The following ATRN variants were observed in gnomAD, a reference collection of about 807,000 sequenced individuals.
ATRN encodes the protein attractin.
Under a neutral mutation model 178.7 loss-of-function variants are expected in ATRN, and 54 were observed. That is an observed-to-expected ratio of 0.30 (90% CI 0.24 to 0.38). The LOEUF (loss-of-function observed/expected upper bound fraction) is 0.38. ATRN is among the 10% of genes least tolerant of loss of function. The pLI is 1.00. For synonymous variants in ATRN, 636 were observed against 663.0 expected (o/e 0.96, Z 0.63); for missense variants, 1,443 against 1,815.1 (o/e 0.79, Z 3.73).
intron 19 of ATRN, among the ~76,000 whole-genome samples, chr20:3,591,802 C>T (rs1224032776): frequency 6.6e-6 from 1 of 152,206 alleles, no homozygotes; most frequent in Non-Finnish European, 1.5e-5. Context: ...ATTCCCCCTC[C>T]TCCCCCCATC....
At chr20:3,492,936 ATTAT>A (rs952557802) in intron 1 of ATRN, among the ~76,000 whole-genome samples, 29 of 146,872 alleles carry the variant, frequency 2.0e-4, no homozygotes, top group South Asian at 1.7e-3. Context: ...GTGGGTATAT[ATTAT>A]TTATTTATGT....
intron 14 of ATRN, among the ~76,000 whole-genome samples, 173 bp downstream of exon 14, chr20:3,577,170 G>A (rs878873542): frequency 6.6e-6 from 1 of 152,116 alleles, no homozygotes; most frequent in Non-Finnish European, 1.5e-5. Flanking sequence ...CAGTTCTTAA[G>A]TATTTGTTCC....
chr20:3,547,559 G>A (rs1322708518), intron 5 of ATRN, 70 bp downstream of exon 5: 3 of 1,248,362 alleles, frequency 2.4e-6, no homozygotes, highest in Non-Finnish European at 3.4e-6. Flanking sequence ...ATTATAGATT[G>A]ACTTTATTCT....
chr20:3,482,562 C>T (rs1054797393), intron 1 of ATRN, among the ~76,000 whole-genome samples: 2 of 152,200 alleles, frequency 1.3e-5, no homozygotes, highest in African/African-American at 2.4e-5. Context: ...AATTGTCACT[C>T]AGTTTTCCCT....
intron 1 of ATRN, among the ~76,000 whole-genome samples, chr20:3,492,168 A>AGTGTGTGTGTGTGTGTGTGT (rs58489496): frequency 7.1e-6 from 1 of 140,588 alleles, no homozygotes; most frequent in Non-Finnish European, 1.5e-5. Context: ...TAGATAGGGG[A>AGTGTGTGTGTGTGTGTGTGT]GTGTGTGTGT....
intron 10 of ATRN, among the ~76,000 whole-genome samples, chr20:3,563,625 T>C (rs912594353): frequency 6.6e-6 from 1 of 152,228 alleles, no homozygotes; most frequent in Non-Finnish European, 1.5e-5. Context: ...GTCTCTCCTT[T>C]GTCATGTTAT....
intron 9 of ATRN, 33 bp from the exon 10 acceptor site, chr20:3,563,176 C>T (rs1405796709): frequency 6.3e-7 from 1 of 1,576,538 alleles, no homozygotes; most frequent in African/African-American, 1.4e-5. Flanking sequence ...AAAAACTAAC[C>T]TTGTATTTAT....
intron 22 of ATRN, among the ~76,000 whole-genome samples, chr20:3,598,523 G>A (rs904827536): frequency 4.6e-5 from 7 of 152,116 alleles, no homozygotes; most frequent in Admixed American, 1.3e-4. Flanking sequence ...AGGCTTAGTC[G>A]GGTCCATTAA....
intron 1 of ATRN, among the ~76,000 whole-genome samples, chr20:3,505,171 G>A (rs934876083): frequency 6.6e-6 from 1 of 152,156 alleles, no homozygotes; most frequent in Admixed American, 6.5e-5. Flanking sequence ...AATATGGGTG[G>A]CCACCATCCA....
In ATRN at chr20:3,594,518, A is replaced by G; in HGVS notation, c.3362A>G (p.Asn1121Ser). 6.2e-7 allele frequency: 1 copy of G among 1,612,694 alleles called. No individual in the cohort carries two copies. Among genetic ancestry groups the G allele is most frequent in the Non-Finnish European group, 8.5e-7 (1 of 1,179,006 alleles). The part of the protein sequence containing the change: ...CNGHASLCNT[N>S]TGKCFCTTKG... Reference sequence around the variant, plus strand: ...GGGCACGCGTCTCTGTGCAACACCAACACGGGCAAGTGCTTCTGCACCACC... The same window carrying G: ...GGGCACGCGTCTCTGTGCAACACCAGCACGGGCAAGTGCTTCTGCACCACC... The change falls in exon 20 of 29, where the codon AAC becomes AGC. Residue 1121 changes from asparagine to serine, a missense_variant. This residue lies in a region of ATRN where 289 missense variants were observed against 440.8 expected (regional missense o/e 0.66). Coordinates refer to ENST00000262919, the MANE Select transcript of ATRN (RefSeq NM_139321.3).
intron 1 of ATRN, among the ~76,000 whole-genome samples, chr20:3,520,614 A>G (rs1384476720): frequency 6.6e-6 from 1 of 152,010 alleles, no homozygotes; most frequent in Non-Finnish European, 1.5e-5. Context: ...TGTGCCTCAG[A>G]CTCAAGAGTA....
At chr20:3,610,567 ATTT>A (rs35770410) in intron 24 of ATRN, among the ~76,000 whole-genome samples, 3 of 93,644 alleles carry the variant, frequency 3.2e-5, no homozygotes, top group Non-Finnish European at 6.1e-5. Context: ...TTCCAGCTGA[ATTT>A]TTTTTTTTTT....
intron 3 of ATRN, 42 bp from the exon 4 acceptor site, chr20:3,545,720 G>A: frequency 1.2e-6 from 2 of 1,605,082 alleles, no homozygotes; most frequent in South Asian, 1.1e-5. Flanking sequence ...TGACATGTCT[G>A]TGCTTGTGCT....
intron 7 of ATRN, among the ~76,000 whole-genome samples, chr20:3,559,751 T>C (rs2085925898): frequency 6.6e-6 from 1 of 151,874 alleles, no homozygotes; most frequent in South Asian, 2.1e-4. Context: ...GTAGATTAGC[T>C]TTTATTCTCA....
intron 20 of ATRN, among the ~76,000 whole-genome samples, chr20:3,595,033 G>A (rs796662920): frequency 1.3e-5 from 2 of 152,184 alleles, no homozygotes; most frequent in African/African-American, 4.8e-5. Flanking sequence ...CCTTGTTGAA[G>A]CATGTCAGGC....
At position 3,563,268 on chromosome 20, in the gene ATRN, G is replaced by A; in HGVS notation, c.1691G>A (p.Gly564Glu). 1.2e-6 allele frequency: 2 copies of A among 1,614,138 alleles called. No homozygotes were observed. The highest frequency in any genetic ancestry group is 1.7e-6 in the Non-Finnish European group (2 of 1,179,992). Residue 564 changes from glycine (G) to glutamate (E), a missense_variant, in exon 10 of 29, where the codon GGA becomes GAA. By Grantham distance (98) the Gly-to-Glu change is moderately conservative. Transcript: ENST00000262919. ...RYLHTAVIVS[G>E]TMLVFGGNTH... ...TTGCACACAGCTGTGATAGTGAGTG[G>A]AACCATGCTGGTGTTTGGAGGAAAC...
chr20:3,486,209 T>C (rs977646773), intron 1 of ATRN, among the ~76,000 whole-genome samples: 1 of 152,054 alleles, frequency 6.6e-6, no homozygotes, highest in Non-Finnish European at 1.5e-5. Flanking sequence ...AAATGGAAGG[T>C]ATAACAAGTG....
At chr20:3,588,893 GAGTC>G (rs894320467) in intron 18 of ATRN, among the ~76,000 whole-genome samples, 2 of 151,650 alleles carry the variant, frequency 1.3e-5, no homozygotes, top group Admixed American at 6.6e-5. Context: ...TTTTCTGAGT[GAGTC>G]AGTTTTGGTA....
At position 3,584,762 on chromosome 20, in the gene ATRN, A is replaced by C. The variant is rs1352727538; in HGVS notation, c.3066A>C (p.Lys1022Asn). The C allele has an allele frequency of 6.8e-6, 11 of 1,614,028 alleles. No individual in the cohort carries two copies. The Admixed American group carries it at 1.8e-4, about 27-fold the overall frequency. ...GGAAATGCATAGAGGGTTCCTATAA[A>C]GGACCAGTGAAGATGCCTTCGCAAG... ...GKGKCIEGSY[K>N]GPVKMPSQAP... Residue 1022 changes from lysine (K) to asparagine (N), a missense_variant, in exon 18 of 29, where the codon AAA (lysine) becomes AAC (asparagine). Physicochemically the swap from Lys to Asn is moderately conservative, Grantham distance 94. Around this residue, in one of 4 missense-constraint regions of ATRN, gnomAD observed 80 missense variants for 71.5 expected, o/e 1.12. Transcript: ENST00000262919.
Sources: allele counts gnomAD v4.1 joint callset (sites outside exome capture counted in the v4.1 genomes callset), GRCh38; gene constraint gnomAD v4.1.1; regional missense constraint gnomAD v4.1.1; transcripts MANE v1.5; gene names NCBI Gene and HGNC (gene_info 2026-07-23, HGNC 2026-07-21).